L3MBTL4: variants seen among roughly 807,000 people sequenced by gnomAD.
L3MBTL4 encodes L3MBTL histone methyl-lysine binding protein 4, also known as lethal(3)malignant brain tumor-like protein 4.
Under a neutral mutation model 84.5 loss-of-function variants are expected in L3MBTL4, and 70 were observed. The ratio of observed to expected loss-of-function variants is 0.83; its 90% CI spans 0.68 to 1.01. The LOEUF (loss-of-function observed/expected upper bound fraction) is 1.01. Ranked by LOEUF, L3MBTL4 falls within the 50% of genes least tolerant of loss-of-function variation. The probability of loss-of-function intolerance (pLI) is 0.00; values close to 1 mark genes in which losing one functional copy is unlikely to be tolerated. For synonymous variants in L3MBTL4, 274 were observed against 259.8 expected, an observed-to-expected ratio of 1.05 and a Z score of -0.52; for missense variants, 715 against 754.8, an observed-to-expected ratio of 0.95 and a Z score of 0.62.
chr18:6,191,322 C>A (rs1035112258), intron 12 of L3MBTL4, among the ~76,000 whole-genome samples: 2 of 151,996 alleles, frequency 1.3e-5, no homozygotes, highest in Non-Finnish European at 1.5e-5. Flanking sequence ...CTTCTGTACA[C>A]ATCTCAAAGC....
chr18:6,193,937 A>AT, intron 12 of L3MBTL4, among the ~76,000 whole-genome samples: 1 of 152,304 alleles, frequency 6.6e-6, no homozygotes, highest in Non-Finnish European at 1.5e-5. Flanking sequence ...CCAACTTGCT[A>AT]ATATATAATA....
intron 14 of L3MBTL4, among the ~76,000 whole-genome samples, chr18:6,124,814 G>A (rs546882333): frequency 1.3e-5 from 2 of 152,114 alleles, no homozygotes; most frequent in East Asian, 3.9e-4. Flanking sequence ...AAAGGTGCAT[G>A]GTAGTTTTAA....
At chr18:6,234,006 A>G (rs1424443510) in intron 10 of L3MBTL4, among the ~76,000 whole-genome samples, 2 of 152,336 alleles carry the variant, frequency 1.3e-5, no homozygotes, top group Non-Finnish European at 2.9e-5. Flanking sequence ...CCTCAGAAAT[A>G]ATACCACACA....
chr18:5,962,879 C>T (rs1045079202), intron 17 of L3MBTL4, among the ~76,000 whole-genome samples: 5 of 152,286 alleles, frequency 3.3e-5, no homozygotes, highest in East Asian at 1.9e-4. Flanking sequence ...GAGGGCTGTC[C>T]TGGGTGGGGT....
At chr18:5,986,669 T>C (rs1223009243) in intron 16 of L3MBTL4, among the ~76,000 whole-genome samples, 1 of 152,226 alleles carries the variant, frequency 6.6e-6, no homozygotes, top group African/African-American at 2.4e-5. Context: ...CTTCCCTATA[T>C]TGGGGAACTG....
intron 18 of L3MBTL4, among the ~76,000 whole-genome samples, chr18:5,956,910 A>AT (rs11333347): frequency 0.058 from 8,801 of 151,038 alleles, 810 homozygotes; most frequent in African/African-American, 0.2. Flanking sequence ...TGATTTAGGA[A>AT]TTTTTTTTTT....
chr18:5,965,236 G>A (rs1473023724), intron 17 of L3MBTL4, among the ~76,000 whole-genome samples: 1 of 152,176 alleles, frequency 6.6e-6, no homozygotes, highest in Non-Finnish European at 1.5e-5. Flanking sequence ...GACAGCCATA[G>A]TAACAAAGGA....
At chr18:6,342,395 T>A (rs1025079955) in intron 1 of L3MBTL4, among the ~76,000 whole-genome samples, 1 of 152,154 alleles carries the variant, frequency 6.6e-6, no homozygotes, top group Non-Finnish European at 1.5e-5. Flanking sequence ...ATTTATTATA[T>A]TAAAAAAGGA....
At chr18:6,387,115 C>A (rs1237361279) in intron 1 of L3MBTL4, among the ~76,000 whole-genome samples, 24 of 152,132 alleles carry the variant, frequency 1.6e-4, no homozygotes, top group Admixed American at 1.6e-3. Flanking sequence ...AGGTTTTTGG[C>A]AAAACACACA....
intron 16 of L3MBTL4, among the ~76,000 whole-genome samples, chr18:6,020,754 A>C (rs76821178): frequency 0.11 from 17,235 of 152,150 alleles, 1,373 homozygotes; most frequent in Admixed American, 0.22. Flanking sequence ...GGCTTGAGCA[A>C]TTGGTTAGAT....
chr18:6,388,789 C>T (rs559900620), intron 1 of L3MBTL4, among the ~76,000 whole-genome samples: 4 of 152,268 alleles, frequency 2.6e-5, no homozygotes, highest in South Asian at 4.1e-4. Flanking sequence ...AGATGGACAC[C>T]GGCTGTGTTG....
chr18:6,248,620 T>C (rs1476911766), intron 5 of L3MBTL4, among the ~76,000 whole-genome samples: 2 of 152,232 alleles, frequency 1.3e-5, no homozygotes, highest in Non-Finnish European at 2.9e-5. Flanking sequence ...GAAGCTTCTT[T>C]TTGTAAAGAT....
At chr18:6,213,046 T>A (rs750893597) in intron 12 of L3MBTL4, 103 bp downstream of exon 12, 1 of 641,198 alleles carries the variant, frequency 1.6e-6, no homozygotes, top group Non-Finnish European at 2.6e-6. Context: ...ATTGTGCAGA[T>A]GAATTAAAAA....
At chr18:6,145,072 T>G (rs2042590741) in intron 13 of L3MBTL4, among the ~76,000 whole-genome samples, 1 of 152,216 alleles carries the variant, frequency 6.6e-6, no homozygotes, top group Admixed American at 6.5e-5. Flanking sequence ...TTTTGATTTT[T>G]CTTTTGTGAA....
intron 11 of L3MBTL4, among the ~76,000 whole-genome samples, 156 bp downstream of exon 11, chr18:6,215,594 C>T (rs2046291153): frequency 6.6e-6 from 1 of 152,180 alleles, no homozygotes; most frequent in African/African-American, 2.4e-5. Flanking sequence ...GAGTCACCTA[C>T]TTTGTATTTT....
intron 1 of L3MBTL4, among the ~76,000 whole-genome samples, chr18:6,367,889 A>G (rs1599798349): frequency 6.6e-6 from 1 of 152,202 alleles, no homozygotes; most frequent in Admixed American, 6.5e-5. Context: ...CCAAGGAGAT[A>G]GTAGAATCAT....
intron 1 of L3MBTL4, among the ~76,000 whole-genome samples, chr18:6,391,763 C>A (rs1432409325): frequency 1.3e-5 from 2 of 151,964 alleles, no homozygotes; most frequent in East Asian, 3.9e-4. Context: ...ACTACTACTA[C>A]TACTACTACT....
intron 4 of L3MBTL4, among the ~76,000 whole-genome samples, chr18:6,268,840 G>C (rs1338489181): frequency 2.0e-5 from 3 of 152,154 alleles, no homozygotes; most frequent in Admixed American, 2.0e-4. Context: ...GTGTGTGTGT[G>C]TGTGAGCACA....
intron 16 of L3MBTL4, among the ~76,000 whole-genome samples, chr18:6,023,127 G>A (rs1208790263): frequency 6.6e-6 from 1 of 152,220 alleles, no homozygotes; most frequent in Non-Finnish European, 1.5e-5. Context: ...CCTGGGCGCT[G>A]TTTCCTGCTC....
Sources: gnomAD v4.1 joint callset for allele counts (sites outside exome capture counted in the v4.1 genomes callset) on GRCh38, gnomAD v4.1.1 for gene constraint, MANE v1.5 for transcripts, NCBI Gene and HGNC (gene_info 2026-07-23, HGNC 2026-07-21) for gene names.